RTL9: variants seen among roughly 807,000 people sequenced by gnomAD.
The protein encoded by RTL9 is retrotransposon Gag-like protein 9.
In RTL9, 19 loss-of-function variants were observed where a neutral mutation model predicts 44.7. That is an observed-to-expected ratio of 0.42 (90% CI 0.30 to 0.62). RTL9 has a LOEUF of 0.62. RTL9 is among the 20% of genes least tolerant of loss of function. The pLI, the probability that RTL9 is intolerant of heterozygous loss-of-function variation, is 0.16. For synonymous variants in RTL9, 407 were observed against 398.9 expected (o/e 1.02, Z -0.24); for missense variants, 1,105 against 1,080.6 (o/e 1.02, Z -0.32).
intron 1 of RTL9, among the ~76,000 whole-genome samples, chrX:110,388,689 T>G (rs1405602584): frequency 8.9e-6 from 1 of 112,392 alleles, no homozygotes; most frequent in African/African-American, 3.2e-5. Context: ...TCTGGTTCAG[T>G]AGGTCTGAAG....
At chrX:110,448,458 T>G (rs1011779727), upstream of RTL9, among the ~76,000 whole-genome samples, 42 of 109,610 alleles carry the variant, frequency 3.8e-4, no homozygotes, top group African/African-American at 1.4e-3. Flanking sequence ...CAATCTCCTC[T>G]TTTCTTTGGG....
chrX:110,432,298 G>A (rs1329175921), intron 1 of RTL9, among the ~76,000 whole-genome samples: 2 of 112,312 alleles, frequency 1.8e-5, no homozygotes, highest in African/African-American at 3.2e-5. Flanking sequence ...GAGCCACATG[G>A]CGGCTTCCTA....
At chrX:110,441,120 G>A (rs1378871108) in intron 1 of RTL9, among the ~76,000 whole-genome samples, 1 of 112,162 alleles carries the variant, frequency 8.9e-6, no homozygotes, top group Admixed American at 9.4e-5. Context: ...AGCTCTGCCT[G>A]TCTTTTGCTG....
chrX:110,423,718 C>A (rs1377334477), intron 1 of RTL9, among the ~76,000 whole-genome samples: 2 of 112,509 alleles, frequency 1.8e-5, no homozygotes, highest in East Asian at 5.6e-4. Flanking sequence ...CTGAGGGACT[C>A]TCTCAGGTCC....
At chrX:110,422,297 G>T (rs1433854322) in intron 1 of RTL9, among the ~76,000 whole-genome samples, 1 of 112,777 alleles carries the variant, frequency 8.9e-6, no homozygotes, top group Non-Finnish European at 1.9e-5. Context: ...CCCTTTTCTG[G>T]CAGCCTTTTG....
chrX:110,419,218 T>G (rs1483034256), intron 1 of RTL9: 8 of 112,397 alleles, frequency 7.1e-5, no homozygotes, highest in African/African-American at 9.7e-5. Context: ...ACCTCCCTCC[T>G]AGGGCTCTGT....
At chrX:110,423,374 A>AAGAAGG (rs1367419021) in intron 1 of RTL9, among the ~76,000 whole-genome samples, 2 of 110,060 alleles carry the variant, frequency 1.8e-5, no homozygotes, top group Admixed American at 1.9e-4. Flanking sequence ...GGAGAAGGAG[A>AAGAAGG]AGAAGGAGAA....
At chrX:110,381,731 A>G (rs1051930778) in intron 1 of RTL9, among the ~76,000 whole-genome samples, 1 of 111,154 alleles carries the variant, frequency 9.0e-6, no homozygotes, top group Non-Finnish European at 1.9e-5. Flanking sequence ...ATGGAATACT[A>G]CCCAGCCATA....
chrX:110,438,048 T>C (rs1250508174), intron 1 of RTL9, among the ~76,000 whole-genome samples: 1 of 111,766 alleles, frequency 8.9e-6, no homozygotes, highest in Non-Finnish European at 1.9e-5. Context: ...TTAGCAAGAA[T>C]AGAATCTTCC....
Position 110,392,439 on chromosome X carries a change from G to T in RTL9, c.-168+33523G>T, listed in dbSNP as rs1238778169. ...TTACAGTCATGTGCCGTCATGCCTG[G>T]CTAATTTATTTTATTTTTATTTTTG... On this transcript the variant is annotated intron_variant, in intron 1 of 2. Transcript: ENST00000520821. Among the ~76,000 whole-genome samples, 4 of 110,341 alleles carry T rather than the reference G, an allele frequency of 3.6e-5. No homozygotes were observed. The Admixed American group carries it at 3.9e-4, about 11-fold the overall frequency.
chrX:110,387,692 G>A (rs1030850333), intron 1 of RTL9, among the ~76,000 whole-genome samples: 1 of 111,411 alleles, frequency 9.0e-6, no homozygotes, highest in South Asian at 3.8e-4. Context: ...TTAACTGGAA[G>A]AGGGAGGGCT....
intron 1 of RTL9, among the ~76,000 whole-genome samples, chrX:110,432,181 C>T (rs1471391455): frequency 6.2e-5 from 7 of 112,284 alleles, no homozygotes; most frequent in East Asian, 2.8e-4. Context: ...AGTGCCTAGG[C>T]TCGCTCTTGC....
chrX:110,411,812 T>C (rs1362864934), intron 1 of RTL9, among the ~76,000 whole-genome samples: 1 of 112,705 alleles, frequency 8.9e-6, no homozygotes, highest in East Asian at 2.8e-4. Context: ...TACTTGTTTT[T>C]CTATTATTTC....
chrX:110,400,740 A>C (rs2068558805), intron 1 of RTL9, among the ~76,000 whole-genome samples: 1 of 111,598 alleles, frequency 9.0e-6, no homozygotes, highest in African/African-American at 3.3e-5. Flanking sequence ...CTCTATTATA[A>C]TGTTTTATAT....
At chrX:110,363,462 T>C (rs2068277549) in intron 1 of RTL9, among the ~76,000 whole-genome samples, 1 of 111,909 alleles carries the variant, frequency 8.9e-6, no homozygotes, top group Non-Finnish European at 1.9e-5. Context: ...TCCCTATGTG[T>C]CATTAAGGAG....
intron 1 of RTL9, among the ~76,000 whole-genome samples, chrX:110,375,300 G>A (rs1354523496): frequency 8.9e-6 from 1 of 112,054 alleles, no homozygotes; most frequent in Admixed American, 9.5e-5. Context: ...TGAGAAAGTG[G>A]AATATACACT....
At chrX:110,372,130 G>T (rs1000595426) in intron 1 of RTL9, among the ~76,000 whole-genome samples, 5 of 111,686 alleles carry the variant, frequency 4.5e-5, no homozygotes, top group Non-Finnish European at 9.4e-5. Flanking sequence ...GCAACACTCT[G>T]TGTTTAGATC....
intron 1 of RTL9, among the ~76,000 whole-genome samples, chrX:110,383,460 A>G (rs2068434266): frequency 9.0e-6 from 1 of 111,223 alleles, no homozygotes; most frequent in Non-Finnish European, 1.9e-5. Context: ...GAATTCTTCT[A>G]CTGTATATAA....
chrX:110,440,809 A>C (rs2068874755), intron 1 of RTL9, among the ~76,000 whole-genome samples: 1 of 112,449 alleles, frequency 8.9e-6, no homozygotes, highest in African/African-American at 3.2e-5. Context: ...AGAGAAGAGC[A>C]AACAGTAGGG....
Sources: gnomAD v4.1 joint callset for allele counts (sites outside exome capture counted in the v4.1 genomes callset) on GRCh38, gnomAD v4.1.1 for gene constraint, MANE v1.5 for transcripts, NCBI Gene and HGNC (gene_info 2026-07-23, HGNC 2026-07-21) for gene names.